The following CTSW variants were observed in gnomAD, a reference collection of about 807,000 sequenced individuals.
CTSW encodes the protein cathepsin W.
A neutral mutation model predicts 43.8 loss-of-function variants in CTSW; 42 were observed. The ratio of observed to expected loss-of-function variants is 0.96; its 90% CI spans 0.75 to 1.24. CTSW has a LOEUF of 1.24. CTSW is among the 50% of genes most tolerant of loss of function. The pLI, the probability that CTSW is intolerant of heterozygous loss-of-function variation, is 0.00. For missense variants in CTSW, 475 were observed against 479.9 expected (o/e 0.99, Z 0.09); for synonymous variants, 191 against 184.8 (o/e 1.03, Z -0.27).
At position 65,882,762 on chromosome 11, in the gene CTSW, G is replaced by A. The variant is rs778593957; in HGVS notation, c.620-17G>A. 16 of 1,614,172 alleles carry A rather than the reference G, an allele frequency of 9.9e-6. No individual in the cohort carries two copies. The highest frequency in any genetic ancestry group is 6.7e-5 in the Admixed American group (4 of 60,020). ...GGGCAGGAGCGGAACCTCCTCCCTT[G>A]TCTTGCTTATCTGCAGGCGGCCTGG... On this transcript the variant is annotated splice_polypyrimidine_tract_variant and intron_variant, in intron 6 of 9. Coordinates refer to ENST00000307886, the MANE Select transcript of CTSW (RefSeq NM_001335.4).
chr11:65,882,632 G>A lies in CTSW; in HGVS notation c.562G>A (p.Gly188Arg), dbSNP rs761451395. ...AGAACTGCTGGACTGTGGCCGCTGT[G>A]GGGATGGCTGCCACGGTGGCTTCGT... is the stretch of plus-strand genomic sequence containing the variant. ...VQELLDCGRC[G>R]DGCHGGFVWD... The change falls in exon 6 of 10, where the codon GGG (glycine) becomes AGG (arginine). Residue 188 changes from glycine to arginine, a missense_variant. Physicochemically the swap from Gly to Arg is moderately radical, Grantham distance 125. Coordinates refer to ENST00000307886, the MANE Select transcript of CTSW (RefSeq NM_001335.4). 85 of 1,614,084 alleles carry A rather than the reference G, an allele frequency of 5.3e-5. No individual in the cohort carries two copies. Among genetic ancestry groups the A allele is most frequent in the Non-Finnish European group, 6.9e-5 (82 of 1,180,054 alleles).
intron 2 of CTSW, chr11:65,880,640 G>A (rs967823683): frequency 4.2e-6 from 1 of 239,322 alleles, no homozygotes; most frequent in Non-Finnish European, 8.3e-6. Context: ...TGTAATAGAT[G>A]AAGAAATCGA....
At position 65,882,498 on chromosome 11, in the gene CTSW, C is replaced by T. The variant is rs1401820462; in HGVS notation, c.510C>T (p.Phe170=). Reference sequence around the variant, plus strand: ...TAGAGACCCTGTGGCGCATCAGTTTCTGGGATTTTGTGGATGTCTCCGTGC... The same window carrying T: ...TAGAGACCCTGTGGCGCATCAGTTTTTGGGATTTTGTGGATGTCTCCGTGC... ...GNIETLWRIS[F]WDFVDVSVQE... is the part of the protein sequence containing the mutation. Residue 170 remains phenylalanine (F), a synonymous_variant, in exon 5 of 10, where the codon TTC becomes TTT. Transcript: ENST00000307886. 1.2e-6 allele frequency: 2 copies of T among 1,614,066 alleles called. No homozygotes were observed. The highest frequency in any genetic ancestry group is 2.2e-5 in the East Asian group (1 of 44,896).
Position 65,882,535 on chromosome 11 carries a change from G to A in CTSW, c.538+9G>A, listed in dbSNP as rs749799933. On this transcript the variant is annotated intron_variant, in intron 5 of 9. Transcript: ENST00000307886. ...GGATGTCTCCGTGCAGGGTAGGGTT[G>A]GGAGAGGGTGCGCGTGTGACAGGGG... 1 of 1,614,160 alleles carries A rather than the reference G, an allele frequency of 6.2e-7. No individual in the cohort carries two copies. The highest frequency in any genetic ancestry group is 8.5e-7 in the Non-Finnish European group (1 of 1,179,998).
Position 65,883,353 on chromosome 11 carries a change from C to T in CTSW, c.949C>T (p.Gln317Ter). ...IWAETVSSQSQPQPPHPTPYW... is the reference protein window; with the variant it reads ...IWAETVSSQS ...GGCAGAGACAGTCTCATCGCAGTCT[C>T]AGCCTCAGCCTCCACACCCCACCCC... Residue 317 changes from glutamine to a stop codon, truncating the protein, a stop_gained, in exon 9 of 10, where the codon CAG becomes TAG. Coordinates refer to ENST00000307886, the MANE Select transcript of CTSW (RefSeq NM_001335.4). LOFTEE classifies it high-confidence loss of function. 6.2e-7 allele frequency: 1 copy of T among 1,614,130 alleles called. No homozygotes were observed. The highest frequency in any genetic ancestry group is 8.5e-7 in the Non-Finnish European group (1 of 1,180,018).
In CTSW at chr11:65,879,917, C is replaced by A; in HGVS notation, c.63C>A (p.Gly21=). ...LALLVAGLAQ[G]IRGPLRAQDL... is the part of the protein sequence containing the mutation. ...TGTTGGTGGCAGGCCTAGCCCAAGG[C>A]ATCAGAGGCCCCCTTAGGGCCCAGG... Residue 21 remains glycine, a synonymous_variant, in exon 1 of 10, where the codon GGC becomes GGA. Transcript: ENST00000307886. The A allele has an allele frequency of 6.2e-7, 1 of 1,613,622 alleles. No homozygotes were observed. The highest frequency in any genetic ancestry group is 8.5e-7 in the Non-Finnish European group (1 of 1,179,848).
chr11:65,883,450 G>A (rs1591074333), intron 9 of CTSW, 26 bp downstream of exon 9: 1 of 1,613,682 alleles, frequency 6.2e-7, no homozygotes, highest in Non-Finnish European at 8.5e-7. Flanking sequence ...TGGGGGAGGG[G>A]GCAAGGCAGA....
rs948272375 is a variant in CTSW at position 65,881,503 on chromosome 11, C to T, written c.269C>T (p.Pro90Leu). 21 of 1,607,362 alleles carry T rather than the reference C, an allele frequency of 1.3e-5. No homozygotes were observed. Among genetic ancestry groups the T allele is most frequent in the Non-Finnish European group, 1.5e-5 (18 of 1,176,254 alleles). Residue 90 changes from proline to leucine, a missense_variant, in exon 3 of 10, where the codon CCA becomes CTA. Transcript: ENST00000307886. ...DLGTAEFGVT[P>L]FSDLTEEEFG... Reference sequence around the variant, plus strand: ...GGCACAGCTGAGTTTGGGGTGACTCCATTCAGTGACCTCACAGGTACCATT... The same window carrying T: ...GGCACAGCTGAGTTTGGGGTGACTCTATTCAGTGACCTCACAGGTACCATT...
At position 65,882,300 on chromosome 11, in the gene CTSW, G is replaced by C; in HGVS notation, c.412G>C (p.Ala138Pro). Residue 138 changes from alanine (A) to proline (P), a missense_variant, in exon 4 of 10, where the codon GCC becomes CCC. Ala to Pro is a conservative substitution (Grantham distance 27). Coordinates refer to ENST00000307886, the MANE Select transcript of CTSW (RefSeq NM_001335.4). ...TTTCAGCTGTGACTGGCGGAAGGTG[G>C]CCAGCGCCATCTCACCCATCAAGGA... ...VPFSCDWRKV[A>P]SAISPIKDQK... 1 of 1,614,174 alleles carries C rather than the reference G, an allele frequency of 6.2e-7. No homozygotes were observed. Among genetic ancestry groups the C allele is most frequent in the Non-Finnish European group, 8.5e-7 (1 of 1,180,012 alleles).
At chr11:65,880,101 G>C in intron 1 of CTSW, 101 bp from the exon 2 acceptor site, 1 of 1,265,712 alleles carries the variant, frequency 7.9e-7, no homozygotes, top group Admixed American at 1.8e-5. Context: ...AGGCTAACTG[G>C]CTGACCCCTA....
chr11:65,881,865 C>T (rs1860109920), intron 3 of CTSW, among the ~76,000 whole-genome samples: 1 of 152,196 alleles, frequency 6.6e-6, no homozygotes, highest in Non-Finnish European at 1.5e-5. Flanking sequence ...CACTCAGCCT[C>T]CACCTCCTAG....
intron 2 of CTSW, 88 bp from the exon 3 acceptor site, chr11:65,881,319 G>A (rs1860102777): frequency 2.6e-6 from 2 of 782,876 alleles, no homozygotes; most frequent in Admixed American, 2.7e-5. Flanking sequence ...CAACTGGGTG[G>A]GTGTGGGTGG....
rs751543309 is a variant in CTSW, at chr11:65,882,951, G to T, written c.745+47G>T. 3.7e-6 allele frequency: 6 copies of T among 1,612,690 alleles called. No individual in the cohort carries two copies. The South Asian group carries it at 6.6e-5, about 18-fold the overall frequency. Reference sequence around the variant, plus strand: ...GGGCGGATGGCAGGGACAGACACCGGGGCAGAGGCAGACACGCTGGGCTAC... The same window carrying T: ...GGGCGGATGGCAGGGACAGACACCGTGGCAGAGGCAGACACGCTGGGCTAC... On this transcript the variant is annotated intron_variant, in intron 7 of 9. Transcript: ENST00000307886.
chr11:65,880,667 C>T, intron 2 of CTSW: 2 of 241,074 alleles, frequency 8.3e-6, no homozygotes, highest in South Asian at 9.1e-5. Flanking sequence ...GGGTGGGGAA[C>T]AGGCATGGCC....
Position 65,883,202 on chromosome 11 carries a change from C to T in CTSW, c.811-13C>T. 6.2e-7 allele frequency: 1 copy of T among 1,613,704 alleles called. No homozygotes were observed. The highest frequency in any genetic ancestry group is 2.2e-5 in the East Asian group (1 of 44,876). On this transcript the variant is annotated splice_polypyrimidine_tract_variant and intron_variant, in intron 8 of 9. Coordinates refer to ENST00000307886, the MANE Select transcript of CTSW (RefSeq NM_001335.4). ...GGCCCCACACTCAGCCCCTCGGCCC[C>T]CACCCCCTGCAGCTATACCGGAAAG...
chr11:65,880,131 G>A (rs1268115694), intron 1 of CTSW, 71 bp from the exon 2 acceptor site: 1 of 1,414,438 alleles, frequency 7.1e-7, no homozygotes, highest in Non-Finnish European at 1.0e-6. Context: ...TTGCACGGCT[G>A]GGAACTAAGG....
Position 65,882,263 on chromosome 11 carries a change from G to A in CTSW, c.375G>A (p.Glu125=). The change falls in exon 4 of 10, where the codon GAG becomes GAA. Residue 125 remains glutamate, a synonymous_variant. Coordinates refer to ENST00000307886, the MANE Select transcript of CTSW (RefSeq NM_001335.4). The part of the protein sequence containing the change: ...MGREIRSEEP[E]ESVPFSCDWR... Reference sequence around the variant, plus strand: ...GAGAAATAAGGTCTGAAGAGCCAGAGGAGTCAGTACCTTTCAGCTGTGACT... The same window carrying A: ...GAGAAATAAGGTCTGAAGAGCCAGAAGAGTCAGTACCTTTCAGCTGTGACT... 6.2e-7 allele frequency: 1 copy of A among 1,614,214 alleles called. No homozygotes were observed. Among genetic ancestry groups the A allele is most frequent in the Non-Finnish European group, 8.5e-7 (1 of 1,180,046 alleles).
In CTSW at chr11:65,881,927, G is replaced by A. The variant is rs60266590; in HGVS notation, c.287-248G>A. 7.9e-4 allele frequency among the ~76,000 whole-genome samples: 120 copies of A among 152,328 alleles called. 1 individual carries two copies. The East Asian group carries it at 0.012, about 15-fold the overall frequency. ...GCCTTCTAAGTAGCTGGGGCTACAA[G>A]CCCGCACAACCACGCCCAGCTAATT... On this transcript the variant is annotated intron_variant, in intron 3 of 9. Transcript: ENST00000307886.
At position 65,879,927 on chromosome 11, in the gene CTSW, CCCCTTAGGG is replaced by C; in HGVS notation, c.77_85del (p.Leu26_Ala28del). 1 of 1,613,012 alleles carries C rather than the reference CCCCTTAGGG, an allele frequency of 6.2e-7. No individual in the cohort carries two copies. The highest frequency in any genetic ancestry group is 8.5e-7 in the Non-Finnish European group (1 of 1,179,580). On this transcript the variant is annotated inframe_deletion, in exon 1 of 10. Coordinates refer to ENST00000307886, the MANE Select transcript of CTSW (RefSeq NM_001335.4). ...AGGCCTAGCCCAAGGCATCAGAGGC[CCCCTTAGGG>C]CCCAGGTAAGTGCTCCCAAACCCTT...
Sources: allele counts gnomAD v4.1 joint callset (sites outside exome capture counted in the v4.1 genomes callset), GRCh38; gene constraint gnomAD v4.1.1; transcripts MANE v1.5; gene names NCBI Gene and HGNC (gene_info 2026-07-23, HGNC 2026-07-21).